Variants in PROX2 observed in about 807,000 individuals in gnomAD.
PROX2 encodes prospero homeobox protein 2.
Under a neutral mutation model 48.9 loss-of-function variants are expected in PROX2, and 46 were observed. The observed-to-expected ratio is 0.94, with a 90% CI of 0.74 to 1.20. The LOEUF is 1.20. Ranked by LOEUF, PROX2 falls within the 50% of genes most tolerant of loss-of-function variation. The pLI, the probability that PROX2 is intolerant of heterozygous loss-of-function variation, is 0.00. For synonymous variants in PROX2, 260 were observed against 276.6 expected, an observed-to-expected ratio of 0.94 and a Z score of 0.60; for missense variants, 663 against 719.4, an observed-to-expected ratio of 0.92 and a Z score of 0.90.
chr14:74,869,948 T>C (rs1883169765), intron 2 of PROX2, among the ~76,000 whole-genome samples: 1 of 152,142 alleles, frequency 6.6e-6, no homozygotes, highest in East Asian at 1.9e-4. Context: ...ACTCATAAAT[T>C]TATGTCAAAG....
In PROX2 at chr14:74,856,888, G is replaced by A. The variant is rs987612225; in HGVS notation, c.1521C>T (p.Val507=). The change falls in exon 5 of 6, where the codon GTC becomes GTT. Residue 507 remains valine (V), a synonymous_variant. Transcript: ENST00000556489. ...GAACCACCAGCATTTTGGGATTTGT[G>A]ACACCATCTGAAATTGCTTGCCGGG... The part of the protein sequence containing the change: ...KSARQAISDG[V]TNPKMLVVLR... The A allele has an allele frequency of 6.2e-7, 1 of 1,614,006 alleles. No individual in the cohort carries two copies. Among genetic ancestry groups the A allele is most frequent in the African/African-American group, 1.3e-5 (1 of 75,046 alleles).
rs1458198911 is a variant in PROX2 at position 74,855,252 on chromosome 14, G to C, written c.1659C>G (p.Phe553Leu). The change falls in exon 6 of 6, where the codon TTC becomes TTG. Residue 553 changes from phenylalanine to leucine, a missense_variant. Transcript: ENST00000556489. ...AGTCTCTCCCTGCGGAGACAGCCCT[G>C]AAGAACTCCTGTAACGTCAAGCTGG... ...EIASLTLQEF[F>L]RAVSAGRDSD... 2.5e-6 allele frequency: 4 copies of C among 1,581,768 alleles called. No individual in the cohort carries two copies. In the Admixed American group the frequency reaches 5.1e-5, roughly 20 times the overall value.
intron 1 of PROX2, among the ~76,000 whole-genome samples, chr14:74,872,980 C>A (rs889427891): frequency 6.6e-6 from 1 of 152,006 alleles, no homozygotes; most frequent in African/African-American, 2.4e-5. Flanking sequence ...TGGGGGGAAT[C>A]GTTAGCTATT....
intron 3 of PROX2, among the ~76,000 whole-genome samples, chr14:74,860,992 C>T (rs1029027762): frequency 1.3e-5 from 2 of 152,178 alleles, no homozygotes; most frequent in African/African-American, 4.8e-5. Context: ...GAATCTCTGC[C>T]TCCAAGAGTG....
chr14:74,853,201 A>G lies in PROX2; in HGVS notation c.*1931T>C, dbSNP rs1220742466. On this transcript the variant is annotated 3_prime_UTR_variant, in exon 6 of 6. Coordinates refer to ENST00000556489, the MANE Select transcript of PROX2 (RefSeq NM_001243007.2). ...CTGGAGGTGACTTGGCTCAGTCTTTAAACACACACTAATGAATTTCAGGTT... is the reference window on the plus strand; with the variant it reads ...CTGGAGGTGACTTGGCTCAGTCTTTGAACACACACTAATGAATTTCAGGTT... The G allele has an allele frequency of 1.3e-5, 2 of 152,340 alleles. No individual in the cohort carries two copies. Among genetic ancestry groups the G allele is most frequent in the African/African-American group, 4.8e-5 (2 of 41,570 alleles). The allele number at this position is 152,340 out of a possible 1,614,324, so 9.4% of individuals were successfully genotyped here. A position where few individuals can be genotyped will look rare whatever the true frequency, so the allele number is the denominator to read the frequency against.
At chr14:74,856,735 C>G (rs541255507) in intron 5 of PROX2, 66 bp downstream of exon 5, 2 of 1,432,844 alleles carry the variant, frequency 1.4e-6, no homozygotes, top group African/African-American at 2.8e-5. Flanking sequence ...GGGATCTTTC[C>G]TAAAACTCGA....
At chr14:74,859,596 AG>A (rs1255738049) in intron 3 of PROX2, among the ~76,000 whole-genome samples, 1 of 152,238 alleles carries the variant, frequency 6.6e-6, no homozygotes, top group Non-Finnish European at 1.5e-5. Context: ...AATGAAAAAA[AG>A]ATTTACACAA....
At chr14:74,862,398 T>C in intron 3 of PROX2, 132 bp downstream of exon 3, 1 of 962,906 alleles carries the variant, frequency 1.0e-6, no homozygotes, top group Non-Finnish European at 1.5e-6. Context: ...CTAGCTATGT[T>C]GTGCAGGCTA....
chr14:74,866,668 G>A (rs1164531100), intron 2 of PROX2, among the ~76,000 whole-genome samples: 1 of 152,168 alleles, frequency 6.6e-6, no homozygotes, highest in Non-Finnish European at 1.5e-5. Context: ...GGAGTACAGG[G>A]AGAAAAAAGC....
intron 2 of PROX2, among the ~76,000 whole-genome samples, chr14:74,864,516 A>C (rs2091827280): frequency 6.6e-6 from 1 of 152,218 alleles, no homozygotes; most frequent in Admixed American, 6.5e-5. Flanking sequence ...CTAGTGACTA[A>C]GGGCAACAGA....
intron 2 of PROX2, among the ~76,000 whole-genome samples, chr14:74,868,313 TTATATATATATATATATATATA>T (rs4026383): frequency 0.027 from 1,465 of 53,806 alleles, 82 homozygotes; most frequent in African/African-American, 0.072. Flanking sequence ...TTTCTCGTAA[TTATATATATATATATATATATA>T]TATATATATA....
intron 1 of PROX2, among the ~76,000 whole-genome samples, 21 bp downstream of exon 1, chr14:74,875,874 G>A (rs1883330991): frequency 6.6e-6 from 1 of 152,244 alleles, no homozygotes; most frequent in East Asian, 1.9e-4. Context: ...CAAGGTAAAT[G>A]GAAAGGATGA....
At chr14:74,864,553 C>A (rs1167548922) in intron 2 of PROX2, among the ~76,000 whole-genome samples, 3 of 152,176 alleles carry the variant, frequency 2.0e-5, no homozygotes, top group Non-Finnish European at 2.9e-5. Context: ...CTAGAAATAG[C>A]AAATTCGGCA....
At chr14:74,867,276 G>A (rs76042218) in intron 2 of PROX2, among the ~76,000 whole-genome samples, 97 of 152,248 alleles carry the variant, frequency 6.4e-4, no homozygotes, top group African/African-American at 2.2e-3. Context: ...CTCAACAATT[G>A]CCTGTGTCCA....
At position 74,863,796 on chromosome 14, in the gene PROX2, C is replaced by T; in HGVS notation, c.39G>A (p.Gln13=). The T allele has an allele frequency of 6.6e-7, 1 of 1,517,770 alleles. No individual in the cohort carries two copies. The highest frequency in any genetic ancestry group is 8.8e-7 in the Non-Finnish European group (1 of 1,137,160). The allele number at this position is 1,517,770 out of a possible 1,614,324, so 94.0% of individuals were successfully genotyped here. The change falls in exon 3 of 6, where the codon CAG becomes CAA. Residue 13 remains glutamine (Q), a synonymous_variant. Transcript: ENST00000556489. ...AAGCTTCTGCTAGGTGGGAGCAGAT[C>T]TGGGGCTGAGGAGAAAGCAAGATGG... ...PNSILLSPQP[Q]ICSHLAEACT... is the part of the protein sequence containing the mutation.
chr14:74,857,116 T>C (rs142859591), intron 4 of PROX2, 121 bp from the exon 5 acceptor site: 3 of 740,294 alleles, frequency 4.1e-6, no homozygotes, highest in African/African-American at 3.5e-5. Context: ...TAACAGGGGC[T>C]TCCTTTAAAA....
intron 3 of PROX2, 114 bp from the exon 4 acceptor site, chr14:74,858,628 T>G: frequency 1.5e-6 from 1 of 646,544 alleles, no homozygotes; most frequent in Non-Finnish European, 2.7e-6. Flanking sequence ...CTGATTGGAA[T>G]TGTGTATTTG....
chr14:74,858,790 GTGTGT>G, intron 3 of PROX2: 1 of 332,074 alleles, frequency 3.0e-6, no homozygotes, highest in Non-Finnish European at 5.6e-6. Context: ...GTGTGTGTGT[GTGTGT>G]GTGTGTGTGT....
At chr14:74,860,169 T>G (rs983053966) in intron 3 of PROX2, among the ~76,000 whole-genome samples, 2 of 152,232 alleles carry the variant, frequency 1.3e-5, no homozygotes, top group African/African-American at 4.8e-5. Flanking sequence ...TTATCTGAAA[T>G]GCTGAGCCAA....
Sources: allele counts gnomAD v4.1 joint callset (sites outside exome capture counted in the v4.1 genomes callset), GRCh38; gene constraint gnomAD v4.1.1; transcripts MANE v1.5; gene names NCBI Gene and HGNC (gene_info 2026-07-23, HGNC 2026-07-21).